Variants in RNGTT observed in about 807,000 individuals in gnomAD.
RNGTT encodes the protein RNA guanylyltransferase and 5'-phosphatase.
Under a neutral mutation model 79.3 loss-of-function variants are expected in RNGTT, and 33 were observed. The observed-to-expected ratio is 0.42, with a 90% confidence interval of 0.32 to 0.56. The LOEUF is 0.56. Among genes scored for constraint, RNGTT ranks in the 20% least tolerant of loss-of-function variants. The pLI, the probability that RNGTT is intolerant of heterozygous loss-of-function variation, is 0.17. For missense variants in RNGTT, 497 were observed against 739.1 expected (o/e 0.67, Z 3.80); for synonymous variants, 222 against 235.9 (o/e 0.94, Z 0.54).
At chr6:88,849,224 T>C (rs1781586076) in intron 10 of RNGTT, among the ~76,000 whole-genome samples, 1 of 152,062 alleles carries the variant, frequency 6.6e-6, no homozygotes, top group Non-Finnish European at 1.5e-5. Context: ...TTTCTGGCCC[T>C]GAGGCTCTTA....
intron 13 of RNGTT, among the ~76,000 whole-genome samples, chr6:88,698,514 TG>T (rs1324507435): frequency 6.6e-6 from 1 of 151,340 alleles, no homozygotes; most frequent in Non-Finnish European, 1.5e-5. Context: ...GAGTAACTAC[TG>T]GCTAGCTATC....
chr6:88,801,600 G>A lies in RNGTT; in HGVS notation c.1302C>T (p.Ser434=), dbSNP rs1484894426. The A allele has an allele frequency of 6.2e-7, 1 of 1,610,778 alleles. No homozygotes were observed. Among genetic ancestry groups the A allele is most frequent in the Non-Finnish European group, 8.5e-7 (1 of 1,178,570 alleles). Residue 434 remains serine (S), a synonymous_variant, in exon 12 of 16, where the codon AGC becomes AGT. Coordinates refer to ENST00000369485, the MANE Select transcript of RNGTT (RefSeq NM_003800.5). The part of the protein sequence containing the change: ...LLEGNFAKEV[S]HEMDGLIFQP... ...GAAAAATAAGTCCATCCATTTCATG[G>A]CTCACTTCTTTGGCAAAATTTCCTT...
chr6:88,801,782 T>C (rs572342517), intron 11 of RNGTT, 150 bp from the exon 12 acceptor site: 2 of 507,260 alleles, frequency 3.9e-6, no homozygotes. Context: ...TCTAAAGGAA[T>C]CTAAGTTAAT....
chr6:88,666,123 A>AG (rs1343829499), intron 14 of RNGTT, among the ~76,000 whole-genome samples: 1 of 152,158 alleles, frequency 6.6e-6, no homozygotes, highest in South Asian at 2.1e-4. Flanking sequence ...CAAGTTACAA[A>AG]GGGGGGTGAC....
chr6:88,860,162 TAAACTC>T (rs1177895438), intron 8 of RNGTT, among the ~76,000 whole-genome samples: 1 of 152,132 alleles, frequency 6.6e-6, no homozygotes, highest in Non-Finnish European at 1.5e-5. Context: ...GATAAATAGA[TAAACTC>T]AAGATATTCA....
intron 14 of RNGTT, among the ~76,000 whole-genome samples, chr6:88,648,721 G>C (rs1773679931): frequency 6.6e-6 from 1 of 152,140 alleles, no homozygotes. Context: ...AATTGGTAGT[G>C]CAAAACAGTT....
intron 1 of RNGTT, among the ~76,000 whole-genome samples, chr6:88,959,433 T>G (rs1785542091): frequency 6.6e-6 from 1 of 152,226 alleles, no homozygotes; most frequent in Non-Finnish European, 1.5e-5. Context: ...TCCTCCAACC[T>G]GCTTCTCTCT....
intron 13 of RNGTT, among the ~76,000 whole-genome samples, chr6:88,716,381 C>A (rs952751652): frequency 2.8e-4 from 42 of 152,074 alleles, no homozygotes; most frequent in Middle Eastern, 3.4e-3. Flanking sequence ...ACTGTAAACT[C>A]GTTCAACCAT....
chr6:88,636,061 C>A (rs1046395364), intron 14 of RNGTT, among the ~76,000 whole-genome samples: 6 of 151,996 alleles, frequency 3.9e-5, no homozygotes, highest in African/African-American at 1.4e-4. Flanking sequence ...ATCAACAGAA[C>A]CTCCCTTACC....
intron 13 of RNGTT, chr6:88,714,434 T>C (rs900315989): frequency 6.6e-6 from 1 of 150,908 alleles, no homozygotes; most frequent in African/African-American, 2.4e-5. Flanking sequence ...AAGCTGAAAG[T>C]AAAAGTACTT....
At chr6:88,884,447 G>A (rs553467293) in intron 8 of RNGTT, among the ~76,000 whole-genome samples, 125 of 152,256 alleles carry the variant, frequency 8.2e-4, no homozygotes, top group African/African-American at 2.9e-3. Flanking sequence ...AAAAAGAAAA[G>A]TGCATCTGCT....
At chr6:88,843,944 A>G (rs1421305407) in intron 11 of RNGTT, among the ~76,000 whole-genome samples, 2 of 147,758 alleles carry the variant, frequency 1.4e-5, no homozygotes, top group African/African-American at 4.9e-5. Flanking sequence ...ATCTATATAT[A>G]TATCTGTATA....
intron 4 of RNGTT, among the ~76,000 whole-genome samples, chr6:88,908,677 T>A (rs943684741): frequency 3.2e-4 from 49 of 152,172 alleles, no homozygotes; most frequent in African/African-American, 1.2e-3. Context: ...CAGACCACGG[T>A]GCAGCTGCAG....
intron 8 of RNGTT, among the ~76,000 whole-genome samples, chr6:88,868,787 C>T (rs769138911): frequency 6.6e-6 from 1 of 152,116 alleles, no homozygotes; most frequent in Non-Finnish European, 1.5e-5. Flanking sequence ...AGTGTGTAGT[C>T]AAAACAGCAG....
At chr6:88,956,564 C>T (rs980775707) in intron 1 of RNGTT, among the ~76,000 whole-genome samples, 22 of 152,150 alleles carry the variant, frequency 1.4e-4, no homozygotes, top group African/African-American at 5.3e-4. Context: ...ACTCTAATAC[C>T]AAAACCAGGA....
At chr6:88,822,752 TA>T (rs1286218525) in intron 11 of RNGTT, among the ~76,000 whole-genome samples, 1 of 152,196 alleles carries the variant, frequency 6.6e-6, no homozygotes, top group East Asian at 1.9e-4. Context: ...TGAACATTGA[TA>T]GGATGGCAAT....
rs1780319847 is a variant in RNGTT, at chr6:88,816,524, A to G, written c.1270-14892T>C. Among the ~76,000 whole-genome samples the G allele has an allele frequency of 2.0e-5, 3 of 152,220 alleles. No homozygotes were observed. In the South Asian group the frequency reaches 6.2e-4, roughly 32 times the overall value. ...ACAGAACGAGTGGGACAAAACCCAT[A>G]GCACATAATGGGGTATTTGACATAA... On this transcript the variant is annotated intron_variant, in intron 11 of 15. Transcript: ENST00000369485.
intron 12 of RNGTT, among the ~76,000 whole-genome samples, chr6:88,774,944 T>C (rs552356414): frequency 6.6e-6 from 1 of 152,104 alleles, no homozygotes; most frequent in South Asian, 2.1e-4. Flanking sequence ...TAAAAATTAT[T>C]TTAATAAACA....
At chr6:88,735,080 G>T (rs1410425635) in intron 13 of RNGTT, among the ~76,000 whole-genome samples, 1 of 152,060 alleles carries the variant, frequency 6.6e-6, no homozygotes, top group Non-Finnish European at 1.5e-5. Flanking sequence ...AATAACCAGG[G>T]ATAAAGTGGA....
Sources: gnomAD v4.1 joint callset for allele counts (sites outside exome capture counted in the v4.1 genomes callset) on GRCh38, gnomAD v4.1.1 for gene constraint, MANE v1.5 for transcripts, NCBI Gene and HGNC (gene_info 2026-07-23, HGNC 2026-07-21) for gene names.